The following DIAPH2 variants were observed in gnomAD, a reference collection of about 807,000 sequenced individuals.
The protein encoded by DIAPH2 is diaphanous related formin 2.
DIAPH2 carries 35 observed loss-of-function variants against 92.7 expected under a neutral mutation model. The observed-to-expected ratio is 0.38, with a 90% CI of 0.29 to 0.50. The LOEUF (loss-of-function observed/expected upper bound fraction) is 0.50, where lower values mean the gene tolerates loss of function less well. Among genes scored for constraint, DIAPH2 ranks in the 20% least tolerant of loss-of-function variants. DIAPH2 has a pLI of 0.94. For missense variants in DIAPH2, 701 were observed against 819.5 expected (o/e 0.86, Z 1.77); for synonymous variants, 301 against 280.4 (o/e 1.07, Z -0.73).
intron 23 of DIAPH2, among the ~76,000 whole-genome samples, chrX:97,266,777 G>A (rs754461629): frequency 2.7e-5 from 3 of 112,135 alleles, no homozygotes; most frequent in East Asian, 2.8e-4. Flanking sequence ...TGGGTAGGAT[G>A]TTTTTTGACT....
chrX:97,467,529 A>G (rs1042581761), intron 26 of DIAPH2, among the ~76,000 whole-genome samples: 5 of 112,215 alleles, frequency 4.5e-5, no homozygotes, highest in Non-Finnish European at 9.4e-5. Flanking sequence ...ATCCTGAATC[A>G]TTCCTGCCCC....
At chrX:96,924,032 G>A (rs1468799013) in intron 9 of DIAPH2, among the ~76,000 whole-genome samples, 1 of 112,027 alleles carries the variant, frequency 8.9e-6, no homozygotes, top group Non-Finnish European at 1.9e-5. Context: ...TGGTTCTTGA[G>A]TGTTGAGATT....
At chrX:97,239,521 T>G (rs1362543221) in intron 22 of DIAPH2, among the ~76,000 whole-genome samples, 3 of 111,598 alleles carry the variant, frequency 2.7e-5, no homozygotes, top group Non-Finnish European at 3.8e-5. Flanking sequence ...AATTTAATTT[T>G]TTAGTGTTAT....
chrX:97,464,537 G>A (rs1035574813), intron 26 of DIAPH2, among the ~76,000 whole-genome samples: 5 of 111,056 alleles, frequency 4.5e-5, no homozygotes, highest in Admixed American at 9.6e-5. Context: ...TCCAAGTTCA[G>A]ATTCTTGTGA....
intron 4 of DIAPH2, among the ~76,000 whole-genome samples, chrX:96,857,011 G>T (rs1265623647): frequency 9.6e-6 from 1 of 104,497 alleles, no homozygotes; most frequent in African/African-American, 3.6e-5. Flanking sequence ...TACACTTCAG[G>T]CTGGGAGACA....
At chrX:97,190,360 T>C (rs922083499) in intron 22 of DIAPH2, among the ~76,000 whole-genome samples, 2 of 112,923 alleles carry the variant, frequency 1.8e-5, no homozygotes, top group African/African-American at 6.4e-5. Flanking sequence ...AAGGTTTTTC[T>C]GCGGGCTGCC....
chrX:96,872,640 C>T (rs1363298061), intron 4 of DIAPH2, among the ~76,000 whole-genome samples: 5 of 108,725 alleles, frequency 4.6e-5, no homozygotes, highest in South Asian at 8.2e-4. Context: ...TACAGGTGCA[C>T]GCCACCACGC....
chrX:96,936,215 A>G (rs1165387699), intron 10 of DIAPH2, among the ~76,000 whole-genome samples: 2 of 111,744 alleles, frequency 1.8e-5, no homozygotes, highest in South Asian at 3.7e-4. Context: ...TGAGTGTTAG[A>G]AAAAAAAGCA....
intron 9 of DIAPH2, among the ~76,000 whole-genome samples, chrX:96,929,153 A>T (rs1190983575): frequency 8.9e-6 from 1 of 111,745 alleles, no homozygotes. Flanking sequence ...ACATAACAAG[A>T]GTCATTCAAG....
At chrX:97,485,794 T>C (rs904724352) in intron 26 of DIAPH2, among the ~76,000 whole-genome samples, 1 of 111,982 alleles carries the variant, frequency 8.9e-6, no homozygotes, top group Admixed American at 9.5e-5. Flanking sequence ...TTCAGTGTCC[T>C]TTAAACATCT....
intron 4 of DIAPH2, among the ~76,000 whole-genome samples, chrX:96,777,848 A>G (rs942613618): frequency 4.5e-5 from 5 of 111,430 alleles, no homozygotes; most frequent in Non-Finnish European, 9.4e-5. Context: ...GAAATTGATC[A>G]ATTCTTCAGT....
rs187974675 is a variant in DIAPH2 at position 97,285,959 on chromosome X, C to G, written c.2844+38120C>G. 7.3e-5 allele frequency among the ~76,000 whole-genome samples: 8 copies of G among 108,911 alleles called. No homozygotes were observed. In the East Asian group the frequency reaches 2.0e-3, roughly 28 times the overall value. The allele number at this position is 108,911 out of a possible 115,157, so 94.6% of individuals were successfully genotyped here. On this transcript the variant is annotated intron_variant, in intron 23 of 26. Coordinates refer to ENST00000324765, the MANE Select transcript of DIAPH2 (RefSeq NM_006729.5). ...CCTTGTCCTACACCTAGATGAAAAT[C>G]TAGGCCGTTTCCATGACTTTTCTGC...
chrX:97,507,416 C>G (rs1359720871), intron 26 of DIAPH2, among the ~76,000 whole-genome samples: 2 of 110,119 alleles, frequency 1.8e-5, no homozygotes, highest in African/African-American at 6.6e-5. Flanking sequence ...ATTTTTAGAC[C>G]AAAAACTCAA....
chrX:97,057,297 T>G, intron 17 of DIAPH2, among the ~76,000 whole-genome samples: 1 of 111,969 alleles, frequency 8.9e-6, no homozygotes, highest in East Asian at 2.8e-4. Flanking sequence ...CTTCATAGGG[T>G]AACACCTTGC....
intron 26 of DIAPH2, among the ~76,000 whole-genome samples, chrX:97,510,728 G>T (rs1195375695): frequency 1.1e-5 from 1 of 95,208 alleles, no homozygotes; most frequent in African/African-American, 3.8e-5. Flanking sequence ...TTCTACATAT[G>T]GCTAGCCAGT....
chrX:97,157,122 C>T (rs2067328954), intron 22 of DIAPH2, among the ~76,000 whole-genome samples: 1 of 110,749 alleles, frequency 9.0e-6, no homozygotes, highest in African/African-American at 3.3e-5. Flanking sequence ...CAAGACCAGC[C>T]TGTCCAACAT....
intron 4 of DIAPH2, among the ~76,000 whole-genome samples, chrX:96,862,444 CCTTT>C (rs2065077966): frequency 9.0e-6 from 1 of 111,455 alleles, no homozygotes. Context: ...GAGCATTCAT[CCTTT>C]CTTTAAGTTC....
intron 24 of DIAPH2, among the ~76,000 whole-genome samples, chrX:97,372,376 G>A (rs186321765): frequency 1.8e-5 from 2 of 112,505 alleles, no homozygotes; most frequent in African/African-American, 6.4e-5. Flanking sequence ...GGTGTGCAAA[G>A]ATCTGTTTGT....
chrX:96,793,044 G>A, intron 4 of DIAPH2, among the ~76,000 whole-genome samples: 1 of 112,019 alleles, frequency 8.9e-6, no homozygotes, highest in Non-Finnish European at 1.9e-5. Context: ...AAACATAATG[G>A]GATGGCAGTA....
Sources: gnomAD v4.1 joint callset for allele counts (sites outside exome capture counted in the v4.1 genomes callset) on GRCh38, gnomAD v4.1.1 for gene constraint, MANE v1.5 for transcripts, NCBI Gene and HGNC (gene_info 2026-07-23, HGNC 2026-07-21) for gene names.